The following PCDH15 variants were observed in gnomAD, a reference collection of about 807,000 sequenced individuals.
PCDH15 encodes protocadherin related 15.
PCDH15 carries 129 observed loss-of-function variants against 178.5 expected under a neutral mutation model. That is an observed-to-expected ratio of 0.72 (90% CI 0.63 to 0.84). The LOEUF (loss-of-function observed/expected upper bound fraction) is 0.84. Ranked by LOEUF, PCDH15 falls within the 40% of genes least tolerant of loss-of-function variation. The pLI is 0.00. For missense variants in PCDH15, 2,230 were observed against 2,099.9 expected, an observed-to-expected ratio of 1.06 and a Z score of -1.21; for synonymous variants, 800 against 732.0, an observed-to-expected ratio of 1.09 and a Z score of -1.50.
At chr10:55,169,958 C>G (rs895666492) in intron 1 of PCDH15, among the ~76,000 whole-genome samples, 6 of 147,882 alleles carry the variant, frequency 4.1e-5, no homozygotes, top group African/African-American at 1.5e-4. Flanking sequence ...ATTCCATAGA[C>G]TGTTACTTAA....
intron 1 of PCDH15, among the ~76,000 whole-genome samples, chr10:54,667,492 T>C (rs1006425557): frequency 6.6e-6 from 1 of 152,118 alleles, no homozygotes; most frequent in Non-Finnish European, 1.5e-5. Flanking sequence ...TTGGAAGAGA[T>C]CAAATGCTTT....
chr10:55,203,987 G>C (rs1025302734), intron 1 of PCDH15, among the ~76,000 whole-genome samples: 1 of 151,822 alleles, frequency 6.6e-6, no homozygotes, highest in African/African-American at 2.4e-5. Context: ...GAGGCAGGTG[G>C]ATTGCATGAG....
At chr10:54,496,143 C>T (rs556554121) in intron 3 of PCDH15, among the ~76,000 whole-genome samples, 30 of 152,192 alleles carry the variant, frequency 2.0e-4, no homozygotes, top group Admixed American at 2.0e-4. Flanking sequence ...ATGTTACCTG[C>T]GACTCAATAT....
intron 3 of PCDH15, among the ~76,000 whole-genome samples, chr10:54,396,654 TATGAAGGAAAAGGGC>T (rs1951268771): frequency 6.6e-6 from 1 of 152,116 alleles, no homozygotes; most frequent in Non-Finnish European, 1.5e-5. Context: ...TGACATGATA[TATGAAGGAAAAGGGC>T]CACTTTTTAA....
rs188233960 is a variant in PCDH15, at chr10:54,164,102, C to T, written c.1591-10809G>A. ...CTGCATTCATATGCAGAAGCTTTCGCTAGTGAAAGTTTATTCCTAGGGGAT... is the reference window on the plus strand; with the variant it reads ...CTGCATTCATATGCAGAAGCTTTCGTTAGTGAAAGTTTATTCCTAGGGGAT... On this transcript the variant is annotated intron_variant, in intron 13 of 37. Coordinates refer to ENST00000644397, the MANE Select transcript of PCDH15 (RefSeq NM_001384140.1). Among the ~76,000 whole-genome samples the T allele has an allele frequency of 1.1e-3, 175 of 152,248 alleles. 1 individual carries two copies. The highest frequency in any genetic ancestry group is 2.2e-3 in the African/African-American group (92 of 41,560).
Position 55,280,444 on chromosome 10 carries a change from A to ATTTTTTT in PCDH15, c.-156+39148_-156+39154dup, listed in dbSNP as rs1170034467. Among the ~76,000 whole-genome samples, 45 of 92,052 alleles carry ATTTTTTT rather than the reference A, an allele frequency of 4.9e-4. 2 individuals are homozygous for ATTTTTTT. The highest frequency in any genetic ancestry group is 1.7e-3 in the African/African-American group (39 of 23,150). 60.4% of individuals were successfully genotyped at this position (92,052 alleles called of 152,430 possible). ...TAGGTATCTGACACTGCACCCAGCT[A>ATTTTTTT]TTTTTTTTTTTTTTTTTTTTTTTTA... On this transcript the variant is annotated intron_variant, in intron 1 of 5. Transcript: ENST00000458638.
chr10:54,457,831 A>G (rs1305942679), intron 3 of PCDH15, among the ~76,000 whole-genome samples: 1 of 152,202 alleles, frequency 6.6e-6, no homozygotes, highest in Non-Finnish European at 1.5e-5. Context: ...AGTCTACAAT[A>G]TCTATAAAAT....
Position 54,434,251 on chromosome 10 carries a change from A to AC in PCDH15, c.158-55310_158-55309insG, listed in dbSNP as rs547521780. On this transcript the variant is annotated intron_variant, in intron 3 of 37. Transcript: ENST00000644397. ...AGCTAAGATTAATTACTGAAGAAAA[A>AC]ATTAATAAATTTATTGTGATGAAGT... Among the ~76,000 whole-genome samples, 38 of 152,062 alleles carry AC rather than the reference A, an allele frequency of 2.5e-4. No individual in the cohort carries two copies. The South Asian group carries it at 5.8e-3, about 23-fold the overall frequency.
At chr10:55,575,947 C>T (rs540876414) in intron 2 of PCDH15, among the ~76,000 whole-genome samples, 1 of 152,254 alleles carries the variant, frequency 6.6e-6, no homozygotes, top group African/African-American at 2.4e-5. Flanking sequence ...TTAACATGCT[C>T]TAGAATGGGG....
chr10:54,956,200 C>T (rs1838480973), intron 2 of PCDH15, among the ~76,000 whole-genome samples: 1 of 151,102 alleles, frequency 6.6e-6, no homozygotes, highest in Admixed American at 6.6e-5. Context: ...GTGACTAGAC[C>T]ACATAAGTAT....
At chr10:54,551,423 T>G (rs932169423) in intron 2 of PCDH15, among the ~76,000 whole-genome samples, 7 of 152,140 alleles carry the variant, frequency 4.6e-5, no homozygotes, top group Middle Eastern at 3.4e-3. Flanking sequence ...CATTGTAAGA[T>G]TAAACTTTCT....
At chr10:55,156,101 A>G (rs753314753) in intron 2 of PCDH15, among the ~76,000 whole-genome samples, 8 of 152,176 alleles carry the variant, frequency 5.3e-5, no homozygotes, top group Non-Finnish European at 1.0e-4. Flanking sequence ...CAAAGGACCT[A>G]CACTCCAATC....
intron 2 of PCDH15, among the ~76,000 whole-genome samples, chr10:55,341,395 A>G (rs1027903893): frequency 6.6e-6 from 1 of 152,132 alleles, no homozygotes; most frequent in African/African-American, 2.4e-5. Flanking sequence ...ATAAAATGGG[A>G]GAATTTAACA....
chr10:54,508,450 T>G (rs1038093131), intron 3 of PCDH15, among the ~76,000 whole-genome samples: 1 of 152,112 alleles, frequency 6.6e-6, no homozygotes, highest in Admixed American at 6.6e-5. Context: ...TAAGTTAAAA[T>G]ACCCTAAGCC....
chr10:53,935,207 C>G (rs562743503), intron 25 of PCDH15, among the ~76,000 whole-genome samples: 1 of 152,062 alleles, frequency 6.6e-6, no homozygotes, highest in South Asian at 2.1e-4. Context: ...GTTATCCAGT[C>G]AAATTGGTCT....
At chr10:55,609,309 C>T (rs146383298) in intron 2 of PCDH15, among the ~76,000 whole-genome samples, 2 of 152,256 alleles carry the variant, frequency 1.3e-5, no homozygotes, top group Non-Finnish European at 2.9e-5. Flanking sequence ...GAGGCAGCTC[C>T]AGCATTACAA....
chr10:55,220,404 T>A (rs1246646468), intron 1 of PCDH15, among the ~76,000 whole-genome samples: 2 of 152,066 alleles, frequency 1.3e-5, no homozygotes, highest in African/African-American at 4.8e-5. Flanking sequence ...TGCCCTAGAA[T>A]CATCCACAGA....
intron 2 of PCDH15, among the ~76,000 whole-genome samples, chr10:55,126,384 T>C (rs1223618846): frequency 2.0e-5 from 3 of 152,268 alleles, no homozygotes; most frequent in Admixed American, 6.5e-5. Context: ...TTAAGATTTA[T>C]TGGCAATGAA....
At chr10:55,320,854 A>G (rs1843879254), upstream of PCDH15, among the ~76,000 whole-genome samples, 2 of 152,248 alleles carry the variant, frequency 1.3e-5, no homozygotes, top group Admixed American at 6.5e-5. Context: ...TTATAACTCT[A>G]GTAACTCAAA....
Sources: allele counts gnomAD v4.1 joint callset (sites outside exome capture counted in the v4.1 genomes callset), GRCh38; gene constraint gnomAD v4.1.1; transcripts MANE v1.5; gene names NCBI Gene and HGNC (gene_info 2026-07-23, HGNC 2026-07-21).